Variants in CILP observed in about 807,000 individuals in gnomAD.
CILP encodes the protein cartilage intermediate layer protein 1.
Under a neutral mutation model 82.5 loss-of-function variants are expected in CILP, and 75 were observed. The observed-to-expected ratio is 0.91, with a 90% CI of 0.75 to 1.10. The LOEUF is 1.10. Ranked by LOEUF, CILP falls within the 50% of genes least tolerant of loss-of-function variation. The probability of loss-of-function intolerance (pLI) is 0.00; values close to 1 mark genes in which losing one functional copy is unlikely to be tolerated. For missense variants in CILP, 1,479 were observed against 1,530.8 expected, an observed-to-expected ratio of 0.97 and a Z score of 0.56; for synonymous variants, 530 against 580.3, an observed-to-expected ratio of 0.91 and a Z score of 1.25.
At position 65,204,591 on chromosome 15, in the gene CILP, C is replaced by A. The variant is rs1255434918; in HGVS notation, c.605-9G>T. ...GCAGGTCAGGTCACAGGCTGTGGAA[C>A]AAGGGGCCATATCAGCAGGGATTCT... On this transcript the variant is annotated splice_polypyrimidine_tract_variant and intron_variant, in intron 5 of 8. Transcript: ENST00000261883. 4 of 1,585,064 alleles carry A rather than the reference C, an allele frequency of 2.5e-6. No individual in the cohort carries two copies. The highest frequency in any genetic ancestry group is 3.4e-6 in the Non-Finnish European group (4 of 1,173,244).
chr15:65,196,584 G>A lies in CILP; in HGVS notation c.*147C>T. On this transcript the variant is annotated 3_prime_UTR_variant, in exon 9 of 9. Transcript: ENST00000261883. Reference sequence around the variant, plus strand: ...GGGCCACGTGCCAATCAGTAGCATGGGACAAAGTAAGTAAAGGCATGAAGA... The same window carrying A: ...GGGCCACGTGCCAATCAGTAGCATGAGACAAAGTAAGTAAAGGCATGAAGA... 1 of 686,604 alleles carries A rather than the reference G, an allele frequency of 1.5e-6. No individual in the cohort carries two copies. Among genetic ancestry groups the A allele is most frequent in the South Asian group, 2.6e-5 (1 of 38,638 alleles). The allele number at this position is 686,604 out of a possible 1,614,324, so 42.5% of individuals were successfully genotyped here.
rs2088370052 is a variant in CILP, at chr15:65,196,895, G to A, written c.3391C>T (p.Gln1131Ter). ...ERQVGRQSAF[Q>*]YLQSTPAQSP... Reference sequence around the variant, plus strand: ...TGGGCTGGGGTGCTTTGGAGGTACTGGAAGGCACTCTGGCGGCCTACTTGC... The same window carrying A: ...TGGGCTGGGGTGCTTTGGAGGTACTAGAAGGCACTCTGGCGGCCTACTTGC... Residue 1131 changes from glutamine (Q) to a stop codon, truncating the protein, a stop_gained, in exon 9 of 9, where the codon CAG (glutamine) becomes TAG (stop). Coordinates refer to ENST00000261883, the MANE Select transcript of CILP (RefSeq NM_003613.4). LOFTEE classifies it low-confidence loss of function (END_TRUNC). The A allele has an allele frequency of 3.1e-6, 5 of 1,613,602 alleles. No individual in the cohort carries two copies. In the Admixed American group the frequency reaches 5.0e-5, roughly 16 times the overall value.
intron 3 of CILP, 65 bp from the exon 4 acceptor site, chr15:65,207,116 C>A: frequency 6.5e-7 from 1 of 1,547,966 alleles, no homozygotes; most frequent in South Asian, 1.2e-5. Context: ...TCCTTTCCCT[C>A]TCACCCACCC....
chr15:65,206,337 A>T (rs2088517150), intron 4 of CILP, among the ~76,000 whole-genome samples: 1 of 152,298 alleles, frequency 6.6e-6, no homozygotes, highest in South Asian at 2.1e-4. Context: ...CTCTGCATTC[A>T]TATCATTTAA....
chr15:65,204,823 A>G (rs1196845672), intron 5 of CILP, among the ~76,000 whole-genome samples: 2 of 152,166 alleles, frequency 1.3e-5, no homozygotes, highest in Admixed American at 6.5e-5. Flanking sequence ...GTTTGAGACC[A>G]GCCTGGCCAA....
intron 8 of CILP, among the ~76,000 whole-genome samples, chr15:65,201,514 G>A (rs2073708): frequency 0.62 from 93,194 of 151,436 alleles, 29,358 homozygotes; most frequent in African/African-American, 0.67. Context: ...GAGGTGGTGG[G>A]GGTCAGGAGT....
intron 3 of CILP, among the ~76,000 whole-genome samples, chr15:65,207,415 A>G (rs1427532479): frequency 2.0e-5 from 3 of 151,852 alleles, no homozygotes; most frequent in African/African-American, 7.3e-5. Flanking sequence ...CTCCATACTC[A>G]TCTCCCCACT....
intron 8 of CILP, 147 bp from the exon 9 acceptor site, chr15:65,199,246 T>C (rs1245436350): frequency 1.9e-5 from 12 of 628,642 alleles, no homozygotes; most frequent in Admixed American, 6.2e-5. Context: ...TCTGAGAGGA[T>C]AGAACAGCTA....
In CILP at chr15:65,198,189, C is replaced by T. The variant is rs762686916; in HGVS notation, c.2097G>A (p.Trp699Ter). ...ACAGCCCTGTGTCTGGATTGAGTGA[C>T]CAGAGTTTCACTGTGGATATGTGCT... is the stretch of plus-strand genomic sequence containing the variant. The part of the protein sequence containing the change: ...MPEHISTVKL[W>*]SLNPDTGLWE... The change falls in exon 9 of 9, where the codon TGG becomes TGA. Residue 699 changes from tryptophan to a stop codon, truncating the protein, a stop_gained. Transcript: ENST00000261883. LOFTEE classifies it high-confidence loss of function. 1.2e-6 allele frequency: 2 copies of T among 1,614,210 alleles called. No individual in the cohort carries two copies. The highest frequency in any genetic ancestry group is 1.7e-6 in the Non-Finnish European group (2 of 1,180,048).
intron 1 of CILP, among the ~76,000 whole-genome samples, chr15:65,210,200 GC>G (rs1291398758): frequency 6.6e-6 from 1 of 152,092 alleles, no homozygotes; most frequent in East Asian, 1.9e-4. Flanking sequence ...TAAAACCCAG[GC>G]CTGAGGGGCA....
In CILP at chr15:65,203,445, AG is replaced by A. The variant is rs1566995579; in HGVS notation, c.944del (p.Pro315LeufsTer49). The A allele has an allele frequency of 6.2e-7, 1 of 1,612,580 alleles. No homozygotes were observed. The highest frequency in any genetic ancestry group is 8.5e-7 in the Non-Finnish European group (1 of 1,179,872). ...RAETPYMVMN[P>X]ETKARRAGQS... ...GCCCAGCTCTCCGTGCTTTTGTCTC[AG>A]GGTTCATCACCATGTATGGAGTCTC... On this transcript the variant is annotated frameshift_variant, in exon 7 of 9. Transcript: ENST00000261883. LOFTEE classifies it high-confidence loss of function.
At chr15:65,206,309 C>A (rs2088516853) in intron 4 of CILP, among the ~76,000 whole-genome samples, 1 of 152,160 alleles carries the variant, frequency 6.6e-6, no homozygotes, top group Non-Finnish European at 1.5e-5. Context: ...ACTCAGTGAG[C>A]ATTTACCTGG....
intron 1 of CILP, among the ~76,000 whole-genome samples, chr15:65,210,931 T>G (rs2088579244): frequency 6.6e-6 from 1 of 152,190 alleles, no homozygotes; most frequent in Non-Finnish European, 1.5e-5. Context: ...AGCTGAGCAG[T>G]CTGCTGGCCT....
chr15:65,201,977 G>T lies in CILP; in HGVS notation c.1081C>A (p.Leu361Met), dbSNP rs772772706. 2.7e-5 allele frequency: 44 copies of T among 1,605,566 alleles called. No homozygotes were observed. The Admixed American group carries it at 7.1e-4, about 26-fold the overall frequency. The change falls in exon 8 of 9, where the codon CTG (leucine) becomes ATG (methionine). Residue 361 changes from leucine to methionine, a missense_variant. By Grantham distance (15) the Leu-to-Met change is conservative (BLOSUM62 2). Transcript: ENST00000261883. Reference sequence around the variant, plus strand: ...TGCTGCTGCAGTTTCCTCAGCACCAGCTTGCTCTCATGCTTGTAGAGGGAA... The same window carrying T: ...TGCTGCTGCAGTTTCCTCAGCACCATCTTGCTCTCATGCTTGTAGAGGGAA... ...DPSLYKHESK[L>M]VLRKLQQHQA...
chr15:65,203,406 C>G lies in CILP; in HGVS notation c.984G>C (p.Leu328=). The G allele has an allele frequency of 6.2e-7, 1 of 1,613,220 alleles. No homozygotes were observed. Among genetic ancestry groups the G allele is most frequent in the Non-Finnish European group, 8.5e-7 (1 of 1,179,932 alleles). The change falls in exon 7 of 9, where the codon CTG becomes CTC. Residue 328 remains leucine (L), a synonymous_variant. Transcript: ENST00000261883. ...KARRAGQSVS[L]CCKATGKPRP... is the part of the protein sequence containing the mutation. ...TGGGCTTCCCTGTGGCCTTACAGCACAGAGACACGCTCTGCCCAGCTCTCC... is the reference window on the plus strand; with the variant it reads ...TGGGCTTCCCTGTGGCCTTACAGCAGAGAGACACGCTCTGCCCAGCTCTCC...
Position 65,198,493 on chromosome 15 carries a change from A to G in CILP, c.1793T>C (p.Met598Thr). 5 of 1,614,196 alleles carry G rather than the reference A, an allele frequency of 3.1e-6. No individual in the cohort carries two copies. Among genetic ancestry groups the G allele is most frequent in the African/African-American group, 1.3e-5 (1 of 75,042 alleles). ...CCTGGATGGAATCTCCAGTTCAGCC[A>G]TGGGGTCTTCACCAACCACTTCCCC... ...PLGEVVGEDP[M>T]AELEIPSRSF... The change falls in exon 9 of 9, where the codon ATG (methionine) becomes ACG (threonine). Residue 598 changes from methionine (M) to threonine (T), a missense_variant. By Grantham distance (81) the Met-to-Thr change is moderately conservative. Transcript: ENST00000261883.
At position 65,207,781 on chromosome 15, in the gene CILP, G is replaced by A. The variant is rs748925924; in HGVS notation, c.62-17C>T. The A allele has an allele frequency of 6.2e-7, 1 of 1,607,348 alleles. No homozygotes were observed. The highest frequency in any genetic ancestry group is 2.2e-5 in the East Asian group (1 of 44,836). On this transcript the variant is annotated splice_polypyrimidine_tract_variant and intron_variant, in intron 2 of 8. Transcript: ENST00000261883. ...TCTGTCTCCCTGAGGGCCAGAAGGA[G>A]AAGCTAAGTGAGAGGCCAGGACTGG...
intron 4 of CILP, 114 bp downstream of exon 4, chr15:65,206,668 A>T: frequency 8.6e-7 from 1 of 1,161,136 alleles, no homozygotes; most frequent in Non-Finnish European, 1.2e-6. Flanking sequence ...ACAGAGTCCA[A>T]GCATACGCAT....
At chr15:65,203,258 C>T in intron 7 of CILP, 104 bp downstream of exon 7, 1 of 788,896 alleles carries the variant, frequency 1.3e-6, no homozygotes, top group Non-Finnish European at 2.1e-6. Context: ...TTACTTGTAA[C>T]TTTATTCTGT....
Sources: gnomAD v4.1 joint callset for allele counts (sites outside exome capture counted in the v4.1 genomes callset) on GRCh38, gnomAD v4.1.1 for gene constraint, MANE v1.5 for transcripts, NCBI Gene and HGNC (gene_info 2026-07-23, HGNC 2026-07-21) for gene names.